Variants in PLXDC2 observed in about 807,000 individuals in gnomAD.
PLXDC2 encodes plexin domain containing 2.
A neutral mutation model predicts 68.9 loss-of-function variants in PLXDC2; 40 were observed. That is an observed-to-expected ratio of 0.58 (90% confidence interval 0.45 to 0.76). The LOEUF (loss-of-function observed/expected upper bound fraction) is 0.76. PLXDC2 is among the 30% of genes least tolerant of loss of function. The probability of loss-of-function intolerance (pLI) is 0.00; values close to 1 mark genes in which losing one functional copy is unlikely to be tolerated. For missense variants in PLXDC2, 644 were observed against 661.9 expected, an observed-to-expected ratio of 0.97 and a Z score of 0.30; for synonymous variants, 243 against 234.2, an observed-to-expected ratio of 1.04 and a Z score of -0.34.
chr10:19,861,437 C>T, intron 1 of PLXDC2, among the ~76,000 whole-genome samples: 1 of 152,058 alleles, frequency 6.6e-6, no homozygotes, highest in East Asian at 1.9e-4. Flanking sequence ...AAAATAAAAC[C>T]TCACTTTGCC....
intron 12 of PLXDC2, among the ~76,000 whole-genome samples, chr10:20,239,714 A>G (rs1157568703): frequency 6.6e-6 from 1 of 152,194 alleles, no homozygotes; most frequent in Non-Finnish European, 1.5e-5. Context: ...TCCCTGAAGC[A>G]AGTTCAGAAT....
At chr10:20,063,224 C>T (rs1056698404) in intron 3 of PLXDC2, among the ~76,000 whole-genome samples, 1 of 152,116 alleles carries the variant, frequency 6.6e-6, no homozygotes, top group African/African-American at 2.4e-5. Flanking sequence ...ATGGTAAACT[C>T]ATGAGATCAG....
intron 1 of PLXDC2, among the ~76,000 whole-genome samples, chr10:19,996,489 G>A (rs896795705): frequency 1.3e-5 from 2 of 152,190 alleles, no homozygotes; most frequent in Non-Finnish European, 2.9e-5. Flanking sequence ...AGGAGGCTGA[G>A]GTGGGAGGAT....
At chr10:19,955,877 G>T (rs1034678719) in intron 1 of PLXDC2, among the ~76,000 whole-genome samples, 2 of 151,944 alleles carry the variant, frequency 1.3e-5, no homozygotes, top group Non-Finnish European at 2.9e-5. Context: ...TCAGGAGTTC[G>T]AGACCAGCCT....
At chr10:20,236,271 GTC>G (rs1015915682) in intron 12 of PLXDC2, among the ~76,000 whole-genome samples, 7 of 151,940 alleles carry the variant, frequency 4.6e-5, no homozygotes, top group Admixed American at 4.6e-4. Context: ...GTGAAAGCCC[GTC>G]TCTACTAAAA....
intron 10 of PLXDC2, among the ~76,000 whole-genome samples, chr10:20,212,037 T>G (rs1056894814): frequency 3.3e-5 from 5 of 151,964 alleles, no homozygotes; most frequent in Non-Finnish European, 2.9e-5. Context: ...GAACAGTGCC[T>G]GCACTGTCAC....
At chr10:20,276,552 G>C (rs150190959) in intron 13 of PLXDC2, among the ~76,000 whole-genome samples, 1,942 of 152,254 alleles carry the variant, frequency 0.013, 22 homozygotes, top group Non-Finnish European at 0.019. Flanking sequence ...CCCACACACT[G>C]CACCCAGTAA....
chr10:19,916,829 A>G (rs765206181), intron 1 of PLXDC2, among the ~76,000 whole-genome samples: 1 of 152,218 alleles, frequency 6.6e-6, no homozygotes, highest in African/African-American at 2.4e-5. Flanking sequence ...TGTAATTTAA[A>G]TAATCATGTC....
chr10:20,009,404 G>T (rs1452808196), intron 2 of PLXDC2, among the ~76,000 whole-genome samples: 1 of 152,058 alleles, frequency 6.6e-6, no homozygotes, highest in Non-Finnish European at 1.5e-5. Context: ...CTTTTGGGGG[G>T]ATCTTAAACT....
At chr10:19,937,449 A>G (rs1833742799) in intron 1 of PLXDC2, among the ~76,000 whole-genome samples, 1 of 150,834 alleles carries the variant, frequency 6.6e-6, no homozygotes, top group Admixed American at 6.6e-5. Context: ...CCTGCTGGCA[A>G]CTTCATCCAC....
intron 1 of PLXDC2, among the ~76,000 whole-genome samples, chr10:19,945,496 G>C (rs758402844): frequency 6.6e-6 from 1 of 152,164 alleles, no homozygotes; most frequent in Middle Eastern, 3.2e-3. Flanking sequence ...TGCCAAGGCC[G>C]GGCTGGCCTG....
At chr10:20,167,756 G>A (rs1177791263) in intron 7 of PLXDC2, among the ~76,000 whole-genome samples, 2 of 152,030 alleles carry the variant, frequency 1.3e-5, no homozygotes, top group Non-Finnish European at 2.9e-5. Context: ...TGGGAACATG[G>A]GAATGTGAGC....
chr10:19,898,160 G>A (rs2131365303), intron 1 of PLXDC2, among the ~76,000 whole-genome samples: 1 of 152,254 alleles, frequency 6.6e-6, no homozygotes, highest in East Asian at 1.9e-4. Flanking sequence ...GAAGAGGGAA[G>A]CTAGTTTATT....
chr10:19,969,260 A>C (rs1464704945), intron 1 of PLXDC2, among the ~76,000 whole-genome samples: 1 of 152,128 alleles, frequency 6.6e-6, no homozygotes, highest in Non-Finnish European at 1.5e-5. Context: ...TTCATCCATA[A>C]CCGACCCTTA....
chr10:19,868,499 C>T (rs766545196), intron 1 of PLXDC2, among the ~76,000 whole-genome samples: 4 of 152,114 alleles, frequency 2.6e-5, no homozygotes, highest in African/African-American at 4.8e-5. Flanking sequence ...ATGTCTGCAC[C>T]TGATCAAAAT....
At chr10:20,039,370 C>T (rs982522128) in intron 2 of PLXDC2, among the ~76,000 whole-genome samples, 5 of 152,098 alleles carry the variant, frequency 3.3e-5, no homozygotes, top group East Asian at 3.9e-4. Context: ...ATTTTATTTA[C>T]GGCAATTAGT....
chr10:19,899,398 G>A lies in PLXDC2; in HGVS notation c.112+82207G>A, dbSNP rs191636735. On this transcript the variant is annotated intron_variant, in intron 1 of 13. Coordinates refer to ENST00000377252, the MANE Select transcript of PLXDC2 (RefSeq NM_032812.9). Reference sequence around the variant, plus strand: ...TGCTTGCCCTTCTTCTGCTACTAGAGCTGGTGATGTTCTGATAATTAAACA... The same window carrying A: ...TGCTTGCCCTTCTTCTGCTACTAGAACTGGTGATGTTCTGATAATTAAACA... Among the ~76,000 whole-genome samples the A allele has an allele frequency of 3.3e-5, 5 of 152,294 alleles. No individual in the cohort carries two copies. The East Asian group carries it at 9.6e-4, about 29-fold the overall frequency.
intron 1 of PLXDC2, among the ~76,000 whole-genome samples, chr10:19,877,281 C>T (rs918066286): frequency 6.6e-6 from 1 of 151,968 alleles, no homozygotes; most frequent in Non-Finnish European, 1.5e-5. Flanking sequence ...GATGATATAA[C>T]TGTAGCAAAC....
At chr10:20,257,556 T>A (rs1307192076) in intron 13 of PLXDC2, among the ~76,000 whole-genome samples, 1 of 152,222 alleles carries the variant, frequency 6.6e-6, no homozygotes, top group East Asian at 1.9e-4. Context: ...TTATGAAAGT[T>A]GGTAGTATTG....
Sources: gnomAD v4.1 joint callset for allele counts (sites outside exome capture counted in the v4.1 genomes callset) on GRCh38, gnomAD v4.1.1 for gene constraint, MANE v1.5 for transcripts, NCBI Gene and HGNC (gene_info 2026-07-23, HGNC 2026-07-21) for gene names.